Variants in CNTNAP2 observed in about 807,000 individuals in gnomAD.
CNTNAP2 encodes the protein contactin associated protein 2, also known as contactin-associated protein-like 2.
CNTNAP2 carries 98 observed loss-of-function variants against 155.2 expected under a neutral mutation model. The observed-to-expected ratio is 0.63, with a 90% CI of 0.54 to 0.75. CNTNAP2 has a LOEUF of 0.75. Ranked by LOEUF, CNTNAP2 falls within the 30% of genes least tolerant of loss-of-function variation. CNTNAP2 has a pLI of 0.00. For missense variants in CNTNAP2, 1,727 were observed against 1,688.1 expected (o/e 1.02, Z -0.40); for synonymous variants, 651 against 631.2 (o/e 1.03, Z -0.47).
rs1554468791 is a variant in CNTNAP2 at position 147,317,794 on chromosome 7, G to GTGTATA, written c.1498+17507_1498+17508insATATGT. Among the ~76,000 whole-genome samples the GTGTATA allele has an allele frequency of 2.6e-3, 172 of 65,432 alleles. 1 individual carries two copies. The highest frequency in any genetic ancestry group is 8.8e-3 in the East Asian group (14 of 1,584). The allele number at this position is 65,432 out of a possible 152,430, so 42.9% of individuals were successfully genotyped here. A position where few individuals can be genotyped will look rare whatever the true frequency, so the allele number is the denominator to read the frequency against. On this transcript the variant is annotated intron_variant, in intron 9 of 23. Transcript: ENST00000361727. ...TATATATATGTGTGTGTGTGTGTGT[G>GTGTATA]TGTGTATATGTATATATATGTGTGT... is the stretch of plus-strand genomic sequence containing the variant.
chr7:146,521,686 A>G, intron 1 of CNTNAP2, among the ~76,000 whole-genome samples: 1 of 152,000 alleles, frequency 6.6e-6, no homozygotes, highest in Non-Finnish European at 1.5e-5. Flanking sequence ...ATTTACATTC[A>G]ACAAATATTT....
At chr7:146,973,652 A>G (rs1056134398) in intron 3 of CNTNAP2, among the ~76,000 whole-genome samples, 3 of 152,200 alleles carry the variant, frequency 2.0e-5, no homozygotes, top group Non-Finnish European at 4.4e-5. Context: ...TGGAAACTCT[A>G]ATTTCTAACT....
At chr7:148,140,280 A>G (rs529265384) in intron 16 of CNTNAP2, among the ~76,000 whole-genome samples, 53 of 152,230 alleles carry the variant, frequency 3.5e-4, no homozygotes, top group African/African-American at 1.2e-3. Flanking sequence ...AGACTCCGTT[A>G]TATAGGAATG....
intron 15 of CNTNAP2, among the ~76,000 whole-genome samples, chr7:148,048,511 T>TGA (rs1446461480): frequency 6.6e-6 from 1 of 151,942 alleles, no homozygotes; most frequent in African/African-American, 2.4e-5. Flanking sequence ...GGAGGCTGGG[T>TGA]GAGGGTCAGT....
intron 1 of CNTNAP2, among the ~76,000 whole-genome samples, chr7:146,695,702 C>A (rs1200096148): frequency 1.3e-5 from 2 of 152,132 alleles, no homozygotes. Context: ...GCTAAGATTA[C>A]AGGCGTGAAC....
intron 8 of CNTNAP2, among the ~76,000 whole-genome samples, chr7:147,293,360 T>A (rs1805354052): frequency 6.6e-6 from 1 of 152,198 alleles, no homozygotes; most frequent in African/African-American, 2.4e-5. Flanking sequence ...TCAAAATGGA[T>A]CCATTTTCTT....
In CNTNAP2 at chr7:146,936,490, G is replaced by A. The variant is rs905473215; in HGVS notation, c.402+96586G>A. ...CATTTACGATGGTGATAGTGACATC[G>A]ATGAATAAAGTTTTGGCCAATCTCT... On this transcript the variant is annotated intron_variant, in intron 3 of 23. Coordinates refer to ENST00000361727, the MANE Select transcript of CNTNAP2 (RefSeq NM_014141.6). 1.6e-4 allele frequency among the ~76,000 whole-genome samples: 24 copies of A among 152,044 alleles called. 1 individual carries two copies. The highest frequency in any genetic ancestry group is 1.8e-4 in the Non-Finnish European group (12 of 68,012).
At chr7:148,366,530 T>G (rs1798785181) in intron 21 of CNTNAP2, among the ~76,000 whole-genome samples, 1 of 152,196 alleles carries the variant, frequency 6.6e-6, no homozygotes, top group Non-Finnish European at 1.5e-5. Flanking sequence ...TCTATAAAAT[T>G]AAGTCCACAA....
chr7:147,651,467 T>A (rs1795449638), intron 13 of CNTNAP2, among the ~76,000 whole-genome samples: 3 of 152,196 alleles, frequency 2.0e-5, no homozygotes, highest in Admixed American at 1.3e-4. Flanking sequence ...ACCATCACAG[T>A]CAACAAAGAT....
At chr7:147,214,959 G>C (rs973963006) in intron 8 of CNTNAP2, among the ~76,000 whole-genome samples, 1 of 152,144 alleles carries the variant, frequency 6.6e-6, no homozygotes, top group Non-Finnish European at 1.5e-5. Flanking sequence ...AGGAGACAGA[G>C]AGAGCGAGCA....
intron 1 of CNTNAP2, among the ~76,000 whole-genome samples, chr7:146,629,701 C>A (rs1465485395): frequency 6.6e-6 from 1 of 152,040 alleles, no homozygotes; most frequent in African/African-American, 2.4e-5. Context: ...ATTTAAAAAA[C>A]AATTTTCTTC....
intron 1 of CNTNAP2, among the ~76,000 whole-genome samples, chr7:146,648,020 T>C (rs1295973073): frequency 6.6e-6 from 1 of 152,116 alleles, no homozygotes; most frequent in Non-Finnish European, 1.5e-5. Context: ...CATCAGACCC[T>C]GGATCTGGCT....
intron 2 of CNTNAP2, among the ~76,000 whole-genome samples, chr7:146,817,053 T>A (rs1054349729): frequency 6.6e-6 from 1 of 152,058 alleles, no homozygotes; most frequent in Non-Finnish European, 1.5e-5. Flanking sequence ...AAATAAATGG[T>A]TAGAGTTGAT....
intron 1 of CNTNAP2, among the ~76,000 whole-genome samples, chr7:146,628,233 T>C (rs1799452583): frequency 6.6e-6 from 1 of 152,092 alleles, no homozygotes; most frequent in Non-Finnish European, 1.5e-5. Flanking sequence ...GATAAATCTG[T>C]AGTATAACAT....
At chr7:148,366,393 A>G (rs1195775561) in intron 21 of CNTNAP2, among the ~76,000 whole-genome samples, 1 of 151,420 alleles carries the variant, frequency 6.6e-6, no homozygotes, top group Non-Finnish European at 1.5e-5. Context: ...GAAGGTAGAA[A>G]CTCTTTTTCA....
At chr7:147,668,992 A>AT (rs949537578) in intron 13 of CNTNAP2, among the ~76,000 whole-genome samples, 19 of 151,736 alleles carry the variant, frequency 1.3e-4, no homozygotes, top group African/African-American at 3.6e-4. Flanking sequence ...TTTTTACTGT[A>AT]TTTTTTCTAT....
intron 3 of CNTNAP2, among the ~76,000 whole-genome samples, chr7:147,042,873 T>A (rs1168912084): frequency 6.6e-6 from 1 of 152,124 alleles, no homozygotes; most frequent in Non-Finnish European, 1.5e-5. Context: ...TTTGTATGAT[T>A]TTAAGATAAT....
At chr7:147,094,964 A>G (rs985541155) in intron 4 of CNTNAP2, among the ~76,000 whole-genome samples, 1 of 152,130 alleles carries the variant, frequency 6.6e-6, no homozygotes, top group Non-Finnish European at 1.5e-5. Context: ...TGGTTCTTAG[A>G]TGATGCCTTC....
chr7:148,000,251 A>G (rs1801873173), intron 15 of CNTNAP2, among the ~76,000 whole-genome samples: 1 of 152,184 alleles, frequency 6.6e-6, no homozygotes, highest in South Asian at 2.1e-4. Context: ...AGCAAGCTCC[A>G]TTCCTGGTGC....
Sources: allele counts gnomAD v4.1 joint callset (sites outside exome capture counted in the v4.1 genomes callset), GRCh38; gene constraint gnomAD v4.1.1; transcripts MANE v1.5; gene names NCBI Gene and HGNC (gene_info 2026-07-23, HGNC 2026-07-21).